Variants in EHBP1 observed in about 807,000 individuals in gnomAD.
EHBP1 encodes EH domain binding protein 1.
In EHBP1, 55 loss-of-function variants were observed where a neutral mutation model predicts 144.0. That is an observed-to-expected ratio of 0.38 (90% CI 0.31 to 0.48). The LOEUF (loss-of-function observed/expected upper bound fraction) is 0.48. EHBP1 is among the 20% of genes least tolerant of loss of function. The pLI is 0.98. For missense variants in EHBP1, 1,200 were observed against 1,364.2 expected (o/e 0.88, Z 1.90); for synonymous variants, 469 against 472.7 (o/e 0.99, Z 0.10).
chr2:62,830,228 A>G (rs1308839956), intron 6 of EHBP1, among the ~76,000 whole-genome samples: 3 of 151,444 alleles, frequency 2.0e-5, no homozygotes, highest in East Asian at 1.9e-4. Context: ...ACACACATAC[A>G]CACAATATGG....
Position 62,826,113 on chromosome 2 carries a change from T to G in EHBP1, c.339T>G (p.Ala113=). The G allele has an allele frequency of 6.6e-7, 1 of 1,512,154 alleles. No individual in the cohort carries two copies. Among genetic ancestry groups the G allele is most frequent in the Non-Finnish European group, 8.8e-7 (1 of 1,130,724 alleles). 93.7% of individuals were successfully genotyped at this position (1,512,154 alleles called of 1,614,324 possible). A position where few individuals can be genotyped will look rare whatever the true frequency, so the allele number is the denominator to read the frequency against. The stretch of plus-strand genomic sequence containing the variant: ...AATCCCCTTCTGGTCGAAGGAAAGC[T>G]CTTGCTACTAGCAGCATCAATATGA... ...ENESPSGRRK[A]LATSSINMKQ... is the part of the protein sequence containing the mutation. Residue 113 remains alanine, a synonymous_variant, in exon 6 of 23, where the codon GCT becomes GCG. Transcript: ENST00000431489.
chr2:62,857,710 A>G (rs1030055049), intron 7 of EHBP1, among the ~76,000 whole-genome samples: 1 of 152,170 alleles, frequency 6.6e-6, no homozygotes, highest in Non-Finnish European at 1.5e-5. Flanking sequence ...ATAATTTCAC[A>G]TATTCAGAGT....
intron 7 of EHBP1, among the ~76,000 whole-genome samples, chr2:62,854,901 G>A (rs999417908): frequency 6.6e-6 from 1 of 152,114 alleles, no homozygotes; most frequent in Non-Finnish European, 1.5e-5. Flanking sequence ...GAGCTCCCTG[G>A]GTGCTACTAA....
chr2:62,705,921 G>A lies in EHBP1; in HGVS notation c.-427G>A, dbSNP rs370920600. 5 of 161,212 alleles carry A rather than the reference G, an allele frequency of 3.1e-5. No individual in the cohort carries two copies. Among genetic ancestry groups the A allele is most frequent in the African/African-American group, 7.2e-5 (3 of 41,412 alleles). 10.0% of individuals were successfully genotyped at this position (161,212 alleles called of 1,614,324 possible). On this transcript the variant is annotated 5_prime_UTR_variant, in exon 1 of 23. Transcript: ENST00000431489. ...CCGGCTACCGCGAGCGCCGTGGCTG[G>A]CTTGGCTGTTCCATGTGGCTCCGGC... is the stretch of plus-strand genomic sequence containing the variant.
chr2:62,708,652 A>C (rs987982309), intron 2 of EHBP1, among the ~76,000 whole-genome samples: 9 of 152,198 alleles, frequency 5.9e-5, no homozygotes, highest in Non-Finnish European at 1.0e-4. Flanking sequence ...TGCCATTATT[A>C]TGTACAGAGG....
chr2:62,842,975 A>G (rs2048025087), intron 7 of EHBP1, among the ~76,000 whole-genome samples: 1 of 152,246 alleles, frequency 6.6e-6, no homozygotes, highest in African/African-American at 2.4e-5. Context: ...ATTAGATTTC[A>G]TAGCTAAACC....
chr2:62,727,212 C>T (rs187502058), intron 2 of EHBP1, among the ~76,000 whole-genome samples: 3 of 152,184 alleles, frequency 2.0e-5, no homozygotes, highest in Admixed American at 2.0e-4. Flanking sequence ...TATCCTATTC[C>T]CAACTCTGTC....
At chr2:62,819,419 A>T (rs2045710113) in intron 5 of EHBP1, among the ~76,000 whole-genome samples, 1 of 152,154 alleles carries the variant, frequency 6.6e-6, no homozygotes, top group Non-Finnish European at 1.5e-5. Flanking sequence ...GTGCATGTGT[A>T]CCAGGATATA....
intron 7 of EHBP1, 102 bp downstream of exon 7, chr2:62,831,260 T>C: frequency 9.1e-7 from 1 of 1,093,572 alleles, no homozygotes; most frequent in Non-Finnish European, 1.3e-6. Flanking sequence ...ATTGGGTTTC[T>C]TTTTTTTTCT....
chr2:62,799,916 A>G (rs2043850430), intron 5 of EHBP1, among the ~76,000 whole-genome samples: 1 of 152,220 alleles, frequency 6.6e-6, no homozygotes, highest in African/African-American at 2.4e-5. Context: ...GAAATGTTCC[A>G]TGTGGCCACC....
intron 7 of EHBP1, among the ~76,000 whole-genome samples, chr2:62,843,116 A>G (rs1019052441): frequency 6.6e-6 from 1 of 152,156 alleles, no homozygotes; most frequent in African/African-American, 2.4e-5. Flanking sequence ...GGATGCCTCT[A>G]TTTTGTGTTA....
At chr2:62,791,795 G>A (rs1254529776) in intron 5 of EHBP1, among the ~76,000 whole-genome samples, 1 of 151,958 alleles carries the variant, frequency 6.6e-6, no homozygotes, top group Admixed American at 6.6e-5. Context: ...ATAAGGAAGT[G>A]TAGCAATATA....
At chr2:62,706,797 G>C (rs1207119053) in intron 1 of EHBP1, 100 bp from the exon 2 acceptor site, 13 of 190,604 alleles carry the variant, frequency 6.8e-5, no homozygotes, top group Non-Finnish European at 1.4e-4. Flanking sequence ...GCAGAGAACT[G>C]GGATGGTCTT....
rs191135567 is a variant in EHBP1 at position 62,751,582 on chromosome 2, C to T, written c.162+4130C>T. Among the ~76,000 whole-genome samples, 153 of 152,170 alleles carry T rather than the reference C, an allele frequency of 1.0e-3. 1 individual carries two copies. Among genetic ancestry groups the T allele is most frequent in the African/African-American group, 2.6e-3 (109 of 41,534 alleles). On this transcript the variant is annotated intron_variant, in intron 3 of 22. Coordinates refer to ENST00000431489, the MANE Select transcript of EHBP1 (RefSeq NM_001142616.3). ...TAGTACCAGCTCCTCCTTGTACCTC[C>T]GGTAGAATTCGGCTGTGAATCCATC...
chr2:62,936,756 A>C (rs2056413485), intron 10 of EHBP1, among the ~76,000 whole-genome samples: 1 of 152,198 alleles, frequency 6.6e-6, no homozygotes, highest in Non-Finnish European at 1.5e-5. Context: ...TACCATGAGA[A>C]TAAAGTGAAG....
chr2:62,869,565 A>G (rs2050301638), intron 9 of EHBP1, among the ~76,000 whole-genome samples: 1 of 152,214 alleles, frequency 6.6e-6, no homozygotes, highest in Admixed American at 6.5e-5. Context: ...TAAACTCTAG[A>G]ATATGCAAAC....
chr2:62,690,562 CAAAT>C (rs1469841326), intron 1 of EHBP1, among the ~76,000 whole-genome samples: 1 of 151,872 alleles, frequency 6.6e-6, no homozygotes, highest in Admixed American at 6.6e-5. Flanking sequence ...GACTCCATCT[CAAAT>C]AAATAAATTA....
At chr2:62,858,030 C>A (rs891114160) in intron 7 of EHBP1, among the ~76,000 whole-genome samples, 3 of 151,998 alleles carry the variant, frequency 2.0e-5, no homozygotes, top group African/African-American at 7.3e-5. Flanking sequence ...CAAATATTTT[C>A]TGTAGTATCA....
intron 10 of EHBP1, among the ~76,000 whole-genome samples, chr2:62,935,260 C>G (rs1240502476): frequency 1.4e-5 from 2 of 147,394 alleles, no homozygotes; most frequent in African/African-American, 5.0e-5. Context: ...ACCCGGGAGA[C>G]AGAGGTTGTA....
Sources: allele counts gnomAD v4.1 joint callset (sites outside exome capture counted in the v4.1 genomes callset), GRCh38; gene constraint gnomAD v4.1.1; transcripts MANE v1.5; gene names NCBI Gene and HGNC (gene_info 2026-07-23, HGNC 2026-07-21).